Variants in RAPGEF5 observed in about 807,000 individuals in gnomAD.
The protein encoded by RAPGEF5 is Rap guanine nucleotide exchange factor 5, also known as M-Ras-regulated GEF.
RAPGEF5 carries 65 observed loss-of-function variants against 125.2 expected under a neutral mutation model. The ratio of observed to expected loss-of-function variants is 0.52; its 90% CI spans 0.43 to 0.64. The LOEUF (loss-of-function observed/expected upper bound fraction) is 0.64. Among genes scored for constraint, RAPGEF5 ranks in the 30% least tolerant of loss-of-function variants. The probability of loss-of-function intolerance (pLI) is 0.00; values close to 1 mark genes in which losing one functional copy is unlikely to be tolerated. For synonymous variants in RAPGEF5, 391 were observed against 385.9 expected, an observed-to-expected ratio of 1.01 and a Z score of -0.16; for missense variants, 958 against 1,048.1, an observed-to-expected ratio of 0.91 and a Z score of 1.19.
At chr7:22,268,670 G>A (rs1782344026) in intron 6 of RAPGEF5, among the ~76,000 whole-genome samples, 2 of 152,298 alleles carry the variant, frequency 1.3e-5, no homozygotes, top group Non-Finnish European at 2.9e-5. Context: ...CACACACAGG[G>A]AGAAGGCAGA....
At chr7:22,310,584 T>C (rs989154177) in intron 3 of RAPGEF5, among the ~76,000 whole-genome samples, 5 of 152,252 alleles carry the variant, frequency 3.3e-5, no homozygotes, top group Non-Finnish European at 7.3e-5. Flanking sequence ...CAATTATTTA[T>C]AGATTTTTAT....
chr7:22,171,307 TTAATAA>T (rs1471172015), intron 11 of RAPGEF5, among the ~76,000 whole-genome samples: 4 of 152,212 alleles, frequency 2.6e-5, no homozygotes, highest in Non-Finnish European at 5.9e-5. Flanking sequence ...TACATAGTAC[TTAATAA>T]TAATTTAAGA....
At chr7:22,271,109 T>A (rs1782405656) in intron 6 of RAPGEF5, among the ~76,000 whole-genome samples, 1 of 152,212 alleles carries the variant, frequency 6.6e-6, no homozygotes, top group Non-Finnish European at 1.5e-5. Flanking sequence ...ATGCTTTCTT[T>A]AAATAGCTTG....
chr7:22,241,278 A>G lies in RAPGEF5; in HGVS notation c.797-10359T>C, dbSNP rs1302310663. The stretch of plus-strand genomic sequence containing the variant: ...GAATTGTCAGTAATTTTACTGCCAA[A>G]TCTTCCCAGTAGACATTACAGTGGA... On this transcript the variant is annotated intron_variant, in intron 7 of 25. Transcript: ENST00000665637. Among the ~76,000 whole-genome samples the G allele has an allele frequency of 3.9e-5, 6 of 152,310 alleles. No individual in the cohort carries two copies. In the East Asian group the frequency reaches 1.2e-3, roughly 29 times the overall value.
intron 7 of RAPGEF5, among the ~76,000 whole-genome samples, chr7:22,234,026 G>GAGA (rs1786124889): frequency 6.6e-6 from 1 of 152,130 alleles, no homozygotes; most frequent in South Asian, 2.1e-4. Flanking sequence ...TAATGACAAA[G>GAGA]AGAAGACAGC....
At chr7:22,261,862 AAG>A (rs1158305782) in intron 7 of RAPGEF5, among the ~76,000 whole-genome samples, 1 of 152,142 alleles carries the variant, frequency 6.6e-6, no homozygotes, top group Non-Finnish European at 1.5e-5. Flanking sequence ...CAAAAAAAAA[AAG>A]AGAAACTTGA....
At chr7:22,330,101 G>A (rs1291129151) in intron 1 of RAPGEF5, among the ~76,000 whole-genome samples, 1 of 152,180 alleles carries the variant, frequency 6.6e-6, no homozygotes, top group Non-Finnish European at 1.5e-5. Flanking sequence ...ATAAAGGAAA[G>A]ACAAAGTTCA....
At chr7:22,210,357 T>G (rs1785481272) in intron 9 of RAPGEF5, among the ~76,000 whole-genome samples, 1 of 152,350 alleles carries the variant, frequency 6.6e-6, no homozygotes, top group South Asian at 2.1e-4. Context: ...TCTACTTCTC[T>G]AAATCCTAGC....
At chr7:22,197,893 T>TGGGGGGG (rs56101457) in intron 9 of RAPGEF5, among the ~76,000 whole-genome samples, 13 of 116,226 alleles carry the variant, frequency 1.1e-4, no homozygotes, top group African/African-American at 1.4e-4. Flanking sequence ...TCTTTTTTTT[T>TGGGGGGG]GGGGGGGGGT....
intron 23 of RAPGEF5, among the ~76,000 whole-genome samples, chr7:22,132,639 C>T (rs777737123): frequency 9.2e-5 from 14 of 152,354 alleles, no homozygotes; most frequent in South Asian, 2.1e-4. Context: ...CCTCTACTAA[C>T]TCTCCAAGAA....
chr7:22,291,770 C>A (rs1782940649), intron 5 of RAPGEF5, among the ~76,000 whole-genome samples: 1 of 152,156 alleles, frequency 6.6e-6, no homozygotes. Context: ...TATTTGCTTT[C>A]TCAAGAGATT....
At chr7:22,195,704 T>A (rs1785132470) in intron 9 of RAPGEF5, among the ~76,000 whole-genome samples, 1 of 151,820 alleles carries the variant, frequency 6.6e-6, no homozygotes, top group African/African-American at 2.4e-5. Flanking sequence ...TGGAGAGAAG[T>A]GCATATATTG....
At chr7:22,150,854 T>C (rs1783603350) in intron 17 of RAPGEF5, among the ~76,000 whole-genome samples, 1 of 152,236 alleles carries the variant, frequency 6.6e-6, no homozygotes, top group Admixed American at 6.5e-5. Flanking sequence ...CTATTTTTGT[T>C]CTGATTTTTA....
chr7:22,290,140 GC>G (rs1235968338), intron 6 of RAPGEF5, among the ~76,000 whole-genome samples: 87 of 152,288 alleles, frequency 5.7e-4, no homozygotes, highest in African/African-American at 1.7e-3. Flanking sequence ...TTCAAGCTGT[GC>G]CCAGTTGACA....
intron 17 of RAPGEF5, among the ~76,000 whole-genome samples, chr7:22,151,459 T>A (rs1315945555): frequency 7.2e-4 from 4 of 5,572 alleles, no homozygotes; most frequent in African/African-American, 2.6e-3. Flanking sequence ...TGATCATTAC[T>A]TTTTTTTTTT....
intron 1 of RAPGEF5, among the ~76,000 whole-genome samples, chr7:22,330,657 A>G (rs10240399): frequency 0.28 from 42,237 of 152,100 alleles, 6,084 homozygotes; most frequent in Non-Finnish European, 0.31. Flanking sequence ...TGAAGAAAAC[A>G]ATTCAGAAAG....
intron 12 of RAPGEF5, among the ~76,000 whole-genome samples, chr7:22,164,605 A>G (rs1253663648): frequency 3.3e-5 from 5 of 152,204 alleles, no homozygotes; most frequent in Admixed American, 3.3e-4. Context: ...TCCTCCCTGC[A>G]AGATATATAT....
intron 11 of RAPGEF5, among the ~76,000 whole-genome samples, chr7:22,182,636 G>T (rs1784710094): frequency 6.6e-6 from 1 of 152,128 alleles, no homozygotes; most frequent in Non-Finnish European, 1.5e-5. Context: ...TTTTAGAACA[G>T]AAATTTCCTT....
intron 3 of RAPGEF5, among the ~76,000 whole-genome samples, chr7:22,311,095 G>A (rs1361378111): frequency 1.3e-5 from 2 of 152,030 alleles, no homozygotes; most frequent in Non-Finnish European, 2.9e-5. Flanking sequence ...GTGCAATCTC[G>A]GCTTACTGCG....
Sources: allele counts gnomAD v4.1 joint callset (sites outside exome capture counted in the v4.1 genomes callset), GRCh38; gene constraint gnomAD v4.1.1; transcripts MANE v1.5; gene names NCBI Gene and HGNC (gene_info 2026-07-23, HGNC 2026-07-21).